The following LCA5L variants were observed in gnomAD, a reference collection of about 807,000 sequenced individuals.
The protein encoded by LCA5L is lebercilin LCA5 like.
LCA5L carries 35 observed loss-of-function variants against 45.4 expected under a neutral mutation model. The ratio of observed to expected loss-of-function variants is 0.77; its 90% CI spans 0.59 to 1.02. LCA5L has a LOEUF of 1.02. LCA5L is among the 50% of genes least tolerant of loss of function. The pLI, the probability that LCA5L is intolerant of heterozygous loss-of-function variation, is 0.00. For synonymous variants in LCA5L, 233 were observed against 264.7 expected (o/e 0.88, Z 1.16); for missense variants, 668 against 761.6 (o/e 0.88, Z 1.45).
At chr21:39,407,335 AG>A (rs2039249696) in intron 10 of LCA5L, among the ~76,000 whole-genome samples, 1 of 152,212 alleles carries the variant, frequency 6.6e-6, no homozygotes, top group South Asian at 2.1e-4. Context: ...GCTGGTGAGA[AG>A]ATGGGGAAAT....
Position 39,435,420 on chromosome 21 carries a change from C to G in LCA5L, c.-92G>C, listed in dbSNP as rs945407755. The G allele has an allele frequency of 1.3e-5, 2 of 152,184 alleles. No individual in the cohort carries two copies. Among genetic ancestry groups the G allele is most frequent in the Non-Finnish European group, 2.9e-5 (2 of 68,028 alleles). 9.4% of individuals were successfully genotyped at this position (152,184 alleles called of 1,614,324 possible). ...ATGTTTGAAAGTGATTACTGCATAC[C>G]TGGTGTTCTTTATTAAACTTCCCTA... On this transcript the variant is annotated splice_region_variant and 5_prime_UTR_variant, in exon 3 of 11. Coordinates refer to ENST00000288350, the MANE Select transcript of LCA5L (RefSeq NM_152505.4).
In LCA5L at chr21:39,410,116, C is replaced by A; in HGVS notation, c.1165-20G>T. ...TTTACCCTGTAATTTAGAAAAGCAG[C>A]AAAAACACATTTTGGGGGGTCTAGA... On this transcript the variant is annotated intron_variant, in intron 9 of 10. Transcript: ENST00000288350. 6.5e-7 allele frequency: 1 copy of A among 1,528,132 alleles called. No homozygotes were observed. The highest frequency in any genetic ancestry group is 9.1e-7 in the Non-Finnish European group (1 of 1,104,058). 94.7% of individuals were successfully genotyped at this position (1,528,132 alleles called of 1,614,324 possible).
At chr21:39,432,529 A>G (rs993128985) in intron 3 of LCA5L, among the ~76,000 whole-genome samples, 69 of 152,184 alleles carry the variant, frequency 4.5e-4, no homozygotes, top group African/African-American at 1.5e-3. Context: ...TTGAGGTATC[A>G]AAGAAAATTA....
intron 2 of LCA5L, chr21:39,436,201 T>A (rs1252654331): frequency 3.3e-5 from 5 of 152,184 alleles, no homozygotes; most frequent in Admixed American, 1.3e-4. Context: ...AAGACGACCC[T>A]CTTGGTAGCT....
chr21:39,431,368 C>G (rs949598994), intron 3 of LCA5L, among the ~76,000 whole-genome samples: 5 of 151,924 alleles, frequency 3.3e-5, no homozygotes, highest in African/African-American at 1.2e-4. Context: ...CCCTTACTAG[C>G]AAAATTATCC....
rs1482783836 is a variant in LCA5L at position 39,409,808 on chromosome 21, G to A, written c.1282+171C>T. ...AGGGTTTCACCATGTTGGCCAGGCT[G>A]GTCTCAAACTCTTGACCTCAGGTGA... On this transcript the variant is annotated intron_variant, in intron 10 of 10. Transcript: ENST00000288350. This position sits in a 1 kb window ranked among gnomAD's most constrained non-coding sequence, Gnocchi z 4.2. Among the ~76,000 whole-genome samples, 2 of 152,134 alleles carry A rather than the reference G, an allele frequency of 1.3e-5. No homozygotes were observed. The highest frequency in any genetic ancestry group is 2.9e-5 in the Non-Finnish European group (2 of 68,022).
chr21:39,412,631 CG>C (rs547462176), intron 7 of LCA5L, among the ~76,000 whole-genome samples: 67 of 150,816 alleles, frequency 4.4e-4, no homozygotes, highest in Admixed American at 2.6e-3. Context: ...GGGGGTGGGG[CG>C]GGGAGAGAGA....
At chr21:39,420,427 A>G (rs192113749) in intron 7 of LCA5L, among the ~76,000 whole-genome samples, 6 of 151,606 alleles carry the variant, frequency 4.0e-5, no homozygotes, top group African/African-American at 1.2e-4. Context: ...GGAGGTTGAG[A>G]TAAGAGAATC....
intron 7 of LCA5L, among the ~76,000 whole-genome samples, chr21:39,419,634 CT>C (rs2041950286): frequency 6.6e-6 from 1 of 151,898 alleles, no homozygotes. Context: ...CGACGTGGGC[CT>C]TTTGGGAGGT....
At chr21:39,418,243 C>T (rs1179992601) in intron 7 of LCA5L, among the ~76,000 whole-genome samples, 2 of 152,136 alleles carry the variant, frequency 1.3e-5, no homozygotes, top group Non-Finnish European at 2.9e-5. Flanking sequence ...CACAGCCAAA[C>T]CATATCAAGG....
chr21:39,421,663 A>G (rs1402571377), intron 6 of LCA5L: 1 of 152,214 alleles, frequency 6.6e-6, no homozygotes, highest in Admixed American at 6.5e-5. Context: ...GTTTTAACAT[A>G]AAGTAGGACC....
At position 39,410,065 on chromosome 21, in the gene LCA5L, T is replaced by C; in HGVS notation, c.1196A>G (p.Lys399Arg). 1 of 1,611,412 alleles carries C rather than the reference T, an allele frequency of 6.2e-7. No homozygotes were observed. The highest frequency in any genetic ancestry group is 8.5e-7 in the Non-Finnish European group (1 of 1,178,068). Residue 399 changes from lysine (K) to arginine (R), a missense_variant, in exon 10 of 11, where the codon AAA becomes AGA. Coordinates refer to ENST00000288350, the MANE Select transcript of LCA5L (RefSeq NM_152505.4). ...ATGATTTATTTCAGTTGATTTTTCTTTATGATCGATGTTTCCTGTTGCCTT... is the reference window on the plus strand; with the variant it reads ...ATGATTTATTTCAGTTGATTTTTCTCTATGATCGATGTTTCCTGTTGCCTT... ...GKKATGNIDH[K>R]EKSTEINHEI...
At chr21:39,440,181 C>T (rs886572280) in intron 2 of LCA5L, among the ~76,000 whole-genome samples, 3 of 152,180 alleles carry the variant, frequency 2.0e-5, no homozygotes, top group Non-Finnish European at 4.4e-5. Flanking sequence ...CCATTCTCCA[C>T]TAAATACCAT....
chr21:39,428,192 G>A lies in LCA5L; in HGVS notation c.302C>T (p.Ser101Phe). Reference protein sequence around the residue: ...KEKEKKKYNVSKISQSKGQKE... With the variant: ...KEKEKKKYNVFKISQSKGQKE... ...CTTACCTTTAGATTGGGAGATTTTA[G>A]AAACATTATACTTTTTCTTCTCCTT... Residue 101 changes from serine to phenylalanine, a missense_variant, in exon 5 of 11, where the codon TCT (serine) becomes TTT (phenylalanine). Physicochemically the swap from Ser to Phe is radical, Grantham distance 155. Coordinates refer to ENST00000288350, the MANE Select transcript of LCA5L (RefSeq NM_152505.4). 1 of 1,581,274 alleles carries A rather than the reference G, an allele frequency of 6.3e-7. No individual in the cohort carries two copies. Among genetic ancestry groups the A allele is most frequent in the Non-Finnish European group, 8.6e-7 (1 of 1,161,522 alleles).
intron 10 of LCA5L, chr21:39,408,004 A>G (rs571431437): frequency 6.6e-6 from 1 of 152,228 alleles, no homozygotes; most frequent in Non-Finnish European, 1.5e-5. Context: ...TGAAGGCCCA[A>G]TGTGTTCAAC....
chr21:39,408,794 A>G (rs1009637858), intron 10 of LCA5L: 10 of 152,190 alleles, frequency 6.6e-5, no homozygotes, highest in African/African-American at 1.9e-4. Context: ...GGGTTTTTCT[A>G]TCTCCCAGGA....
At chr21:39,427,643 CCA>C (rs1198529976) in intron 5 of LCA5L, 1 of 146,176 alleles carries the variant, frequency 6.8e-6, no homozygotes, top group African/African-American at 2.6e-5. Flanking sequence ...GCCTGGGTAA[CCA>C]GAGCAAGACT....
intron 7 of LCA5L, 99 bp downstream of exon 7, chr21:39,420,607 T>C: frequency 5.8e-6 from 6 of 1,035,828 alleles, no homozygotes; most frequent in East Asian, 2.6e-5. Context: ...TATATATGTA[T>C]GTAAAATAAA....
At chr21:39,427,203 A>G (rs530467012) in intron 5 of LCA5L, among the ~76,000 whole-genome samples, 1 of 152,320 alleles carries the variant, frequency 6.6e-6, no homozygotes, top group Admixed American at 6.5e-5. Context: ...AACATGGACA[A>G]GAGCCCCAGC....
Sources: gnomAD v4.1 joint callset for allele counts (sites outside exome capture counted in the v4.1 genomes callset) on GRCh38, gnomAD v4.1.1 for gene constraint, Gnocchi (gnomAD v3.1) non-coding constraint, MANE v1.5 for transcripts, NCBI Gene and HGNC (gene_info 2026-07-23, HGNC 2026-07-21) for gene names.